The following TBRG4 variants were observed in gnomAD, a reference collection of about 807,000 sequenced individuals.
The protein encoded by TBRG4 is transforming growth factor beta regulator 4.
In TBRG4, 43 loss-of-function variants were observed where a neutral mutation model predicts 65.6. The observed-to-expected ratio is 0.66, with a 90% confidence interval of 0.51 to 0.85. The LOEUF is 0.85. TBRG4 is among the 40% of genes least tolerant of loss of function. The pLI is 0.00. For synonymous variants in TBRG4, 366 were observed against 341.4 expected (o/e 1.07, Z -0.79); for missense variants, 709 against 787.9 (o/e 0.90, Z 1.20).
intron 2 of TBRG4, among the ~76,000 whole-genome samples, chr7:45,108,098 T>C (rs1219272641): frequency 2.0e-5 from 3 of 152,254 alleles, no homozygotes; most frequent in South Asian, 4.1e-4. Context: ...ACTCAGTTAG[T>C]GCAACTCCTT....
rs1784881236 is a variant in TBRG4 at position 45,104,677 on chromosome 7, AT to A, written c.767del (p.Asn256MetfsTer8). On this transcript the variant is annotated frameshift_variant, in exon 4 of 11. Coordinates refer to ENST00000258770, the MANE Select transcript of TBRG4 (RefSeq NM_004749.4). LOFTEE classifies it high-confidence loss of function. ...CLELVEHFGP[N>X]ELRKVLVMLA... ...GCATCACCAGCACCTTCCGCAGCTC[AT>A]TGGGGCCAAAGTGCTCCACCAACTC... The A allele has an allele frequency of 6.2e-7, 1 of 1,613,806 alleles. No individual in the cohort carries two copies. Among genetic ancestry groups the A allele is most frequent in the African/African-American group, 1.3e-5 (1 of 74,948 alleles).
Position 45,104,521 on chromosome 7 carries a change from C to G in TBRG4, c.907+17G>C. The G allele has an allele frequency of 6.2e-7, 1 of 1,613,798 alleles. No individual in the cohort carries two copies. Among genetic ancestry groups the G allele is most frequent in the Non-Finnish European group, 8.5e-7 (1 of 1,179,970 alleles). On this transcript the variant is annotated intron_variant, in intron 4 of 10. Transcript: ENST00000258770. ...CCAGCGCTCCCCTCTCTCCACCGTTCTGTCCAAAGGGCTCACCATAGGCAT... is the reference window on the plus strand; with the variant it reads ...CCAGCGCTCCCCTCTCTCCACCGTTGTGTCCAAAGGGCTCACCATAGGCAT...
chr7:45,106,761 G>A (rs1231724533), intron 2 of TBRG4: 2 of 152,256 alleles, frequency 1.3e-5, no homozygotes, highest in African/African-American at 4.8e-5. Context: ...GGGTGACAGA[G>A]TGAGACTCTG....
rs560589025 is a variant in TBRG4, at chr7:45,102,126, C to T, written c.1322-56G>A. On this transcript the variant is annotated intron_variant, in intron 7 of 10. Transcript: ENST00000258770. ...GGGCCTACGGCCAGAGATGGGGAGA[C>T]CCTGATGAGAGGGCAGTGCACCCCT... 219 of 1,542,968 alleles carry T rather than the reference C, an allele frequency of 1.4e-4. No homozygotes were observed. In the South Asian group the frequency reaches 2.6e-3, roughly 18 times the overall value.
chr7:45,109,175 A>AG lies in TBRG4; in HGVS notation c.62dup (p.Ala22CysfsTer16). The AG allele has an allele frequency of 6.2e-7, 1 of 1,613,878 alleles. No individual in the cohort carries two copies. The highest frequency in any genetic ancestry group is 8.5e-7 in the Non-Finnish European group (1 of 1,179,842). The stretch of plus-strand genomic sequence containing the variant: ...TCAGTCGGCCAACTGGAGCCATGGC[A>AG]GGGGCCTGACGAGCAGCTTCTCTCA... On this transcript the variant is annotated frameshift_variant, in exon 2 of 11. Transcript: ENST00000258770. LOFTEE classifies it high-confidence loss of function.
Position 45,101,611 on chromosome 7 carries a change from G to C in TBRG4, c.1571C>G (p.Ala524Gly). 6.2e-7 allele frequency: 1 copy of C among 1,613,240 alleles called. No individual in the cohort carries two copies. The highest frequency in any genetic ancestry group is 1.1e-5 in the South Asian group (1 of 90,994). ...GCCGTCACTGTCCAGCAGCACCTCA[G>C]CATCTGGGGAAGGGGTGTGGGATGA... The part of the protein sequence containing the change: ...VATQYGWVLD[A>G]EVLLDSDGEF... Residue 524 changes from alanine (A) to glycine (G), a missense_variant, in exon 9 of 11, where the codon GCT becomes GGT. By Grantham distance (60) the Ala-to-Gly change is moderately conservative. Transcript: ENST00000258770.
rs968567297 is a variant in TBRG4, at chr7:45,101,917, A to AG, written c.1474dup (p.Leu492ProfsTer34). ...CAGCGTCTCCTGCAGCTCCTTTTGC[A>AG]GGGGGGTCACCTTCCTGTCAAGGGC... On this transcript the variant is annotated frameshift_variant, in exon 8 of 11. Transcript: ENST00000258770. LOFTEE classifies it high-confidence loss of function. 6 of 1,610,970 alleles carry AG rather than the reference A, an allele frequency of 3.7e-6. No homozygotes were observed. Among genetic ancestry groups the AG allele is most frequent in the Middle Eastern group, 1.7e-4 (1 of 5,944 alleles).
At chr7:45,100,675 G>C (rs946198393) in intron 10 of TBRG4, among the ~76,000 whole-genome samples, 4 of 152,246 alleles carry the variant, frequency 2.6e-5, no homozygotes, top group Admixed American at 1.3e-4. Context: ...GGAGGCCCAA[G>C]AAGGGCTTCT....
At chr7:45,102,202 T>C (rs1363716675) in intron 7 of TBRG4, 132 bp from the exon 8 acceptor site, 1 of 1,535,098 alleles carries the variant, frequency 6.5e-7, no homozygotes, top group Non-Finnish European at 8.8e-7. Flanking sequence ...AGAGTTACGG[T>C]CTGCTGGCCA....
intron 2 of TBRG4, chr7:45,107,632 G>A (rs957536655): frequency 1.3e-5 from 2 of 154,306 alleles, no homozygotes; most frequent in African/African-American, 4.8e-5. Context: ...AAGTACTGGA[G>A]TAAATTCTAA....
At chr7:45,102,565 A>G in intron 6 of TBRG4, 74 bp from the exon 7 acceptor site, 5 of 1,557,706 alleles carry the variant, frequency 3.2e-6, no homozygotes, top group Non-Finnish European at 4.3e-6. Context: ...GTGAGACACA[A>G]TCCATGATGT....
rs1417818941 is a variant in TBRG4 at position 45,104,993 on chromosome 7, GGCCAGCCC to G, written c.736-292_736-285del. ...TGGAGCTTGCTGTGGCAGCCATCTG[GGCCAGCCC>G]CCGCTATGACAGAAACGGGCACTGA... On this transcript the variant is annotated intron_variant, in intron 3 of 10. Coordinates refer to ENST00000258770, the MANE Select transcript of TBRG4 (RefSeq NM_004749.4). 4.0e-6 allele frequency: 3 copies of G among 747,870 alleles called. No homozygotes were observed. In the African/African-American group the frequency reaches 5.1e-5, roughly 13 times the overall value. 46.3% of individuals were successfully genotyped at this position (747,870 alleles called of 1,614,324 possible).
intron 3 of TBRG4, 185 bp from the exon 4 acceptor site, chr7:45,104,894 CT>C: frequency 1.0e-6 from 1 of 1,003,100 alleles, no homozygotes; most frequent in Non-Finnish European, 1.6e-6. Context: ...CAGGGAACCC[CT>C]GGACCTGGAG....
chr7:45,106,043 T>A (rs1784943104), intron 2 of TBRG4: 3 of 664,428 alleles, frequency 4.5e-6, no homozygotes, highest in Admixed American at 3.6e-5. Flanking sequence ...TCTGTGGCAG[T>A]CTTCTGGGCC....
In TBRG4 at chr7:45,102,601, C is replaced by T; in HGVS notation, c.1177-110G>A. 3 of 1,450,308 alleles carry T rather than the reference C, an allele frequency of 2.1e-6. No individual in the cohort carries two copies. The South Asian group carries it at 4.0e-5, about 19-fold the overall frequency. The allele number at this position is 1,450,308 out of a possible 1,614,324, so 89.8% of individuals were successfully genotyped here. A position where few individuals can be genotyped will look rare whatever the true frequency, so the allele number is the denominator to read the frequency against. ...GGTCTTGGCCTGGTTGGGATGAGGC[C>T]AGAGGAGGCTACTAGGTAACAAGAG... On this transcript the variant is annotated intron_variant, in intron 6 of 10. Coordinates refer to ENST00000258770, the MANE Select transcript of TBRG4 (RefSeq NM_004749.4).
At chr7:45,105,077 G>T in intron 3 of TBRG4, 1 of 689,930 alleles carries the variant, frequency 1.4e-6, no homozygotes, top group Non-Finnish European at 2.7e-6. Flanking sequence ...ACATCTCCAG[G>T]AGAGTTCTAG....
intron 5 of TBRG4, chr7:45,103,681 A>G: frequency 7.2e-6 from 4 of 558,106 alleles, no homozygotes; most frequent in South Asian, 2.3e-5. Flanking sequence ...CTTCTTTCTG[A>G]TAAGGGATTT....
At chr7:45,102,644 G>A (rs1320332867) in intron 6 of TBRG4, 153 bp from the exon 7 acceptor site, 3 of 1,023,414 alleles carry the variant, frequency 2.9e-6, no homozygotes, top group Non-Finnish European at 4.2e-6. Flanking sequence ...CCTGGCCCTT[G>A]GTGAGGCCTG....
At chr7:45,104,011 C>G in intron 5 of TBRG4, 88 bp downstream of exon 5, 1 of 1,444,220 alleles carries the variant, frequency 6.9e-7, no homozygotes, top group South Asian at 1.5e-5. Flanking sequence ...CATTTTCAGA[C>G]TGGCTTTACT....
Sources: gnomAD v4.1 joint callset for allele counts (sites outside exome capture counted in the v4.1 genomes callset) on GRCh38, gnomAD v4.1.1 for gene constraint, MANE v1.5 for transcripts, NCBI Gene and HGNC (gene_info 2026-07-23, HGNC 2026-07-21) for gene names.